XRCC4: variants seen among roughly 807,000 people sequenced by gnomAD.
The protein encoded by XRCC4 is DNA repair protein XRCC4.
A neutral mutation model predicts 39.1 loss-of-function variants in XRCC4; 28 were observed. That is an observed-to-expected ratio of 0.72 (90% confidence interval 0.53 to 0.98). The LOEUF (loss-of-function observed/expected upper bound fraction) is 0.98, where lower values mean the gene tolerates loss of function less well. XRCC4 is among the 50% of genes least tolerant of loss of function. The probability of loss-of-function intolerance (pLI) is 0.00; values close to 1 mark genes in which losing one functional copy is unlikely to be tolerated. For missense variants in XRCC4, 350 were observed against 376.4 expected (o/e 0.93, Z 0.58); for synonymous variants, 123 against 126.4 (o/e 0.97, Z 0.18).
At chr5:83,223,553 G>A (rs1192747396) in intron 6 of XRCC4, among the ~76,000 whole-genome samples, 1 of 149,196 alleles carries the variant, frequency 6.7e-6, no homozygotes. Context: ...CTTTGCTCCT[G>A]GTTTTGGTCA....
intron 6 of XRCC4, among the ~76,000 whole-genome samples, chr5:83,216,004 A>G (rs1751845468): frequency 6.6e-6 from 1 of 152,216 alleles, no homozygotes; most frequent in South Asian, 2.1e-4. Context: ...TCAAAAAGGT[A>G]TCATTAAGAA....
downstream of XRCC4, among the ~76,000 whole-genome samples, chr5:83,358,203 C>A (rs974537908): frequency 3.9e-5 from 6 of 152,042 alleles, no homozygotes; most frequent in African/African-American, 1.4e-4. Context: ...GAAATGGATA[C>A]CTTGAGAAAT....
chr5:83,141,629 T>C (rs903769301), intron 3 of XRCC4, among the ~76,000 whole-genome samples: 17 of 116,330 alleles, frequency 1.5e-4, no homozygotes, highest in Admixed American at 1.2e-3. Context: ...TTTGTTTGTG[T>C]CTTTTTCCTC....
chr5:83,206,929 T>C (rs1261861929), intron 6 of XRCC4, among the ~76,000 whole-genome samples: 2 of 152,162 alleles, frequency 1.3e-5, no homozygotes, highest in Non-Finnish European at 2.9e-5. Flanking sequence ...CAGAAACTTA[T>C]TAACATTGAT....
At chr5:83,366,677 C>T in the XRCC4 span, among the ~76,000 whole-genome samples, 1 of 152,172 alleles carries the variant, frequency 6.6e-6, no homozygotes, top group Admixed American at 6.5e-5. Flanking sequence ...ATCCACTACC[C>T]TGCCCTGTTT....
intron 3 of XRCC4, among the ~76,000 whole-genome samples, chr5:83,117,661 GTGTGTGTGTGTGTA>G (rs1746796073): frequency 9.0e-6 from 1 of 111,420 alleles, no homozygotes; most frequent in African/African-American, 3.3e-5. Context: ...GTGTGTGTGT[GTGTGTGTGTGTGTA>G]TGTATGTATA....
intron 6 of XRCC4, among the ~76,000 whole-genome samples, chr5:83,208,760 C>T (rs981768738): frequency 6.6e-6 from 1 of 151,950 alleles, no homozygotes; most frequent in Non-Finnish European, 1.5e-5. Context: ...TCAATATCAC[C>T]GCATACTACA....
chr5:83,199,442 C>T (rs896553618), intron 4 of XRCC4, among the ~76,000 whole-genome samples: 13 of 152,078 alleles, frequency 8.5e-5, no homozygotes, highest in African/African-American at 2.7e-4. Flanking sequence ...CTTTCTTTGT[C>T]TTCCCAACTC....
chr5:83,215,535 T>C (rs1412037544), intron 6 of XRCC4, among the ~76,000 whole-genome samples: 1 of 152,154 alleles, frequency 6.6e-6, no homozygotes, highest in East Asian at 1.9e-4. Flanking sequence ...GAGAACTCTT[T>C]CTGATTTCAA....
chr5:83,195,291 G>A (rs1750891576), intron 3 of XRCC4, among the ~76,000 whole-genome samples: 1 of 152,088 alleles, frequency 6.6e-6, no homozygotes. Flanking sequence ...TAATTACTGT[G>A]TAGCTACTAG....
chr5:83,112,677 A>G (rs1746499581), intron 3 of XRCC4, among the ~76,000 whole-genome samples: 1 of 152,192 alleles, frequency 6.6e-6, no homozygotes. Context: ...AGGCCTCACA[A>G]TCATGGTGGA....
chr5:83,141,233 T>A (rs759169656), intron 3 of XRCC4, among the ~76,000 whole-genome samples: 4 of 152,334 alleles, frequency 2.6e-5, no homozygotes, highest in Non-Finnish European at 4.4e-5. Context: ...TTGAGTTGTT[T>A]CCAGTATTTC....
chr5:83,105,169 C>G, intron 2 of XRCC4, 111 bp downstream of exon 2: 2 of 1,035,602 alleles, frequency 1.9e-6, no homozygotes, highest in Non-Finnish European at 2.7e-6. Flanking sequence ...ATTTTACTTG[C>G]TATTGCTGTC....
intron 7 of XRCC4, among the ~76,000 whole-genome samples, chr5:83,324,625 A>G (rs1036553096): frequency 1.3e-5 from 2 of 152,128 alleles, no homozygotes; most frequent in Non-Finnish European, 2.9e-5. Context: ...AAAGAAGGAA[A>G]ATATAGTTTT....
chr5:83,198,897 C>T (rs6876621), intron 4 of XRCC4, among the ~76,000 whole-genome samples: 2,223 of 152,106 alleles, frequency 0.015, 64 homozygotes, highest in African/African-American at 0.051. Flanking sequence ...TACGTGAATC[C>T]TTAGGTTACT....
intron 3 of XRCC4, among the ~76,000 whole-genome samples, chr5:83,192,319 A>ATATATTTTT (rs3069585): frequency 4.8e-4 from 69 of 143,498 alleles, no homozygotes; most frequent in African/African-American, 1.4e-3. Context: ...ATATATATAT[A>ATATATTTTT]TTTTTTTGAG....
rs140781375 is a variant in XRCC4, at chr5:83,274,377, C to T, written c.893+15700C>T. Among the ~76,000 whole-genome samples, 37 of 152,284 alleles carry T rather than the reference C, an allele frequency of 2.4e-4. No individual in the cohort carries two copies. In the East Asian group the frequency reaches 6.8e-3, roughly 28 times the overall value. On this transcript the variant is annotated intron_variant, in intron 7 of 7. Transcript: ENST00000396027. Reference sequence around the variant, plus strand: ...ATGTAACTTTTGTACCTTCCCTGCTCATGCCATGTACTTTGTGTATTTTGA... The same window carrying T: ...ATGTAACTTTTGTACCTTCCCTGCTTATGCCATGTACTTTGTGTATTTTGA...
intron 6 of XRCC4, among the ~76,000 whole-genome samples, chr5:83,244,692 T>C (rs1034564431): frequency 4.6e-5 from 7 of 152,270 alleles, no homozygotes; most frequent in African/African-American, 1.4e-4. Flanking sequence ...AATGAGGTCA[T>C]TGTGGTCTGC....
chr5:83,256,563 C>T (rs901366953), intron 6 of XRCC4, among the ~76,000 whole-genome samples: 6 of 151,314 alleles, frequency 4.0e-5, no homozygotes, highest in Admixed American at 4.0e-4. Flanking sequence ...TGTTCATAGA[C>T]AAGCATATAC....
Sources: gnomAD v4.1 joint callset for allele counts (sites outside exome capture counted in the v4.1 genomes callset) on GRCh38, gnomAD v4.1.1 for gene constraint, MANE v1.5 for transcripts, NCBI Gene and HGNC (gene_info 2026-07-23, HGNC 2026-07-21) for gene names.